The following CMC1 variants were observed in gnomAD, a reference collection of about 807,000 sequenced individuals.
CMC1 encodes COX assembly mitochondrial protein homolog.
CMC1 carries 14 observed loss-of-function variants against 14.1 expected under a neutral mutation model. That is an observed-to-expected ratio of 0.99 (90% CI 0.66 to 1.55). CMC1 has a LOEUF of 1.55. Among genes scored for constraint, CMC1 ranks in the 40% most tolerant of loss-of-function variants. CMC1 has a pLI of 0.00. For missense variants in CMC1, 127 were observed against 123.8 expected (o/e 1.03, Z -0.12); for synonymous variants, 50 against 38.4 (o/e 1.30, Z -1.12).
At position 28,324,279 on chromosome 3, in the gene CMC1, T is replaced by C; in HGVS notation, c.*4650T>C. 6.2e-7 allele frequency: 1 copy of C among 1,608,962 alleles called. No homozygotes were observed. The highest frequency in any genetic ancestry group is 8.5e-7 in the Non-Finnish European group (1 of 1,176,522). ...CATTGTCTGTCCATGATTGGAGGAT[T>C]GCTTTCTCTGATAAAACCTTTACAT... On this transcript the variant is annotated 3_prime_UTR_variant, in exon 4 of 4. Transcript: ENST00000466830.
chr3:28,252,409 A>G (rs955378768), intron 1 of CMC1, among the ~76,000 whole-genome samples: 4 of 152,350 alleles, frequency 2.6e-5, no homozygotes, highest in Admixed American at 2.6e-4. Context: ...GAGCTTATAC[A>G]AAATTAGATT....
intron 1 of CMC1, among the ~76,000 whole-genome samples, chr3:28,243,826 G>A (rs552235007): frequency 5.3e-5 from 8 of 152,278 alleles, no homozygotes; most frequent in South Asian, 4.1e-4. Context: ...AGACACGTGC[G>A]TGGGCACACA....
chr3:28,273,951 C>G (rs1035086444), intron 2 of CMC1, among the ~76,000 whole-genome samples: 1 of 152,088 alleles, frequency 6.6e-6, no homozygotes, highest in African/African-American at 2.4e-5. Context: ...GTAAATTGTC[C>G]TCCATTCCTC....
At chr3:28,288,122 T>G (rs1270955189) in intron 2 of CMC1, among the ~76,000 whole-genome samples, 1 of 152,230 alleles carries the variant, frequency 6.6e-6, no homozygotes, top group South Asian at 2.1e-4. Context: ...CTGGTATTGA[T>G]ATATGAATCT....
chr3:28,291,289 A>G (rs1425965890), intron 2 of CMC1, among the ~76,000 whole-genome samples: 2 of 152,144 alleles, frequency 1.3e-5, no homozygotes, highest in African/African-American at 2.4e-5. Flanking sequence ...AGCTGGGATC[A>G]TTGGAGGCCA....
intron 2 of CMC1, among the ~76,000 whole-genome samples, chr3:28,272,850 A>G (rs796834935): frequency 6.6e-6 from 1 of 151,652 alleles, no homozygotes; most frequent in East Asian, 1.9e-4. Flanking sequence ...ACGCCTGGCA[A>G]ATTTTTTTGT....
At chr3:28,296,875 C>T (rs975241278) in intron 2 of CMC1, among the ~76,000 whole-genome samples, 3 of 152,012 alleles carry the variant, frequency 2.0e-5, no homozygotes, top group Non-Finnish European at 4.4e-5. Flanking sequence ...TTTCTTGGCA[C>T]TCTTCCATCT....
intron 2 of CMC1, among the ~76,000 whole-genome samples, chr3:28,306,448 A>G (rs1257283873): frequency 6.6e-6 from 1 of 151,956 alleles, no homozygotes; most frequent in Non-Finnish European, 1.5e-5. Flanking sequence ...GCTATTGTAA[A>G]TGGGATTGAG....
At chr3:28,270,273 C>T (rs1032411340) in intron 2 of CMC1, among the ~76,000 whole-genome samples, 1 of 152,040 alleles carries the variant, frequency 6.6e-6, no homozygotes, top group African/African-American at 2.4e-5. Context: ...AGGTATATAC[C>T]CAGTAATGGG....
chr3:28,256,397 G>T (rs916446373), intron 1 of CMC1, among the ~76,000 whole-genome samples: 2 of 151,954 alleles, frequency 1.3e-5, no homozygotes, highest in African/African-American at 4.8e-5. Flanking sequence ...CTACTCTTAA[G>T]GCCTTTGAAC....
At chr3:28,301,399 T>C (rs1702040997) in intron 2 of CMC1, among the ~76,000 whole-genome samples, 2 of 151,982 alleles carry the variant, frequency 1.3e-5, no homozygotes, top group Admixed American at 6.6e-5. Flanking sequence ...TTTAAAATTA[T>C]TTGTAGGGGC....
intron 1 of CMC1, among the ~76,000 whole-genome samples, chr3:28,242,238 CAT>C (rs1405673593): frequency 3.3e-5 from 5 of 152,306 alleles, no homozygotes; most frequent in Admixed American, 2.6e-4. Context: ...AACTTAAAAA[CAT>C]ATTTCAAAGG....
chr3:28,312,829 G>A (rs1019445918), intron 2 of CMC1, among the ~76,000 whole-genome samples: 1 of 152,042 alleles, frequency 6.6e-6, no homozygotes, highest in Non-Finnish European at 1.5e-5. Flanking sequence ...ATAATCTTGA[G>A]CCAAATTTAA....
rs542153139 is a variant in CMC1 at position 28,320,472 on chromosome 3, G to A, written c.*843G>A. On this transcript the variant is annotated 3_prime_UTR_variant, in exon 4 of 4. Coordinates refer to ENST00000466830, the MANE Select transcript of CMC1 (RefSeq NM_182523.2). ...GTAATAATGGCATAAATCCATTCACGAGGGCTCCAGCCTCATCACCCTATT... is the reference window on the plus strand; with the variant it reads ...GTAATAATGGCATAAATCCATTCACAAGGGCTCCAGCCTCATCACCCTATT... 1 of 151,518 alleles carries A rather than the reference G, an allele frequency of 6.6e-6. No homozygotes were observed. The highest frequency in any genetic ancestry group is 1.9e-4 in the East Asian group (1 of 5,148). The allele number at this position is 151,518 out of a possible 1,614,324, so 9.4% of individuals were successfully genotyped here.
At position 28,258,060 on chromosome 3, in the gene CMC1, T is replaced by TTATATATATATATATATATATATA. The variant is rs56153777; in HGVS notation, c.20-5228_20-5205dup. Among the ~76,000 whole-genome samples, 153 of 135,378 alleles carry TTATATATATATATATATATATATA rather than the reference T, an allele frequency of 1.1e-3. 3 individuals carry two copies. The highest frequency in any genetic ancestry group is 4.0e-3 in the African/African-American group (140 of 34,724). The allele number at this position is 135,378 out of a possible 152,430, so 88.8% of individuals were successfully genotyped here. A position where few individuals can be genotyped will look rare whatever the true frequency, so the allele number is the denominator to read the frequency against. The stretch of plus-strand genomic sequence containing the variant: ...TCTTGATTAATGATTTTGAGCACCT[T>TTATATATATATATATATATATATA]TATATATATATATATATATATATAT... On this transcript the variant is annotated intron_variant, in intron 1 of 3. Transcript: ENST00000466830.
At chr3:28,262,485 A>G (rs1252895659) in intron 1 of CMC1, among the ~76,000 whole-genome samples, 3 of 152,066 alleles carry the variant, frequency 2.0e-5, no homozygotes, top group Non-Finnish European at 4.4e-5. Flanking sequence ...ACTTTAATTA[A>G]TAACTGTTTA....
At chr3:28,288,601 C>G (rs1701318921) in intron 2 of CMC1, among the ~76,000 whole-genome samples, 1 of 151,944 alleles carries the variant, frequency 6.6e-6, no homozygotes, top group Non-Finnish European at 1.5e-5. Flanking sequence ...GCAACTGCCA[C>G]ATTTTGACTG....
intron 2 of CMC1, among the ~76,000 whole-genome samples, chr3:28,270,920 C>CTTTTTTTT (rs71087680): frequency 5.4e-4 from 45 of 83,722 alleles, no homozygotes; most frequent in Non-Finnish European, 6.6e-4. Context: ...GAGTTAATTT[C>CTTTTTTTT]TTTTTTTTTT....
intron 2 of CMC1, among the ~76,000 whole-genome samples, chr3:28,282,837 A>C (rs772048357): frequency 6.6e-6 from 1 of 152,224 alleles, no homozygotes; most frequent in East Asian, 1.9e-4. Context: ...AATTCAAACC[A>C]GAACGAATTT....
Sources: allele counts gnomAD v4.1 joint callset (sites outside exome capture counted in the v4.1 genomes callset), GRCh38; gene constraint gnomAD v4.1.1; transcripts MANE v1.5; gene names NCBI Gene and HGNC (gene_info 2026-07-23, HGNC 2026-07-21).